PPP2R5B: variants seen among roughly 807,000 people sequenced by gnomAD.
PPP2R5B encodes the protein serine/threonine-protein phosphatase 2A 56 kDa regulatory subunit beta isoform.
A neutral mutation model predicts 59.9 loss-of-function variants in PPP2R5B; 19 were observed. The ratio of observed to expected loss-of-function variants is 0.32; its 90% confidence interval spans 0.22 to 0.47. The LOEUF (loss-of-function observed/expected upper bound fraction) is 0.47, where lower values mean the gene tolerates loss of function less well. Ranked by LOEUF, PPP2R5B falls within the 20% of genes least tolerant of loss-of-function variation. The pLI is 1.00. For missense variants in PPP2R5B, 441 were observed against 640.2 expected (o/e 0.69, Z 3.36); for synonymous variants, 286 against 260.5 (o/e 1.10, Z -0.94).
chr11:64,920,943 C>CTACA (rs1554967935), upstream of PPP2R5B, among the ~76,000 whole-genome samples: 2 of 134,952 alleles, frequency 1.5e-5, no homozygotes, highest in East Asian at 2.2e-4. Context: ...TCCAGCAGTT[C>CTACA]TATATATATA....
upstream of PPP2R5B, among the ~76,000 whole-genome samples, chr11:64,921,481 A>C (rs1590672992): frequency 6.6e-6 from 1 of 152,354 alleles, no homozygotes; most frequent in East Asian, 1.9e-4. Context: ...TTCAGACCTC[A>C]GGGGCCCTGA....
In PPP2R5B at chr11:64,924,794, G is replaced by A. The variant is rs527787864; in HGVS notation, c.-499G>A. The A allele has an allele frequency of 6.6e-6, 1 of 152,390 alleles. No homozygotes were observed. Among genetic ancestry groups the A allele is most frequent in the East Asian group, 1.9e-4 (1 of 5,170 alleles). 9.4% of individuals were successfully genotyped at this position (152,390 alleles called of 1,614,324 possible). A position where few individuals can be genotyped will look rare whatever the true frequency, so the allele number is the denominator to read the frequency against. ...GGGTCGGAGTCCCAGGACTTCAGCGGAGATCCGCGCGCTGCGACGGCCGGT... is the reference window on the plus strand; with the variant it reads ...GGGTCGGAGTCCCAGGACTTCAGCGAAGATCCGCGCGCTGCGACGGCCGGT... On this transcript the variant is annotated 5_prime_UTR_variant, in exon 1 of 14. Transcript: ENST00000164133.
upstream of PPP2R5B, chr11:64,923,050 C>T (rs976778793): frequency 8.5e-5 from 13 of 152,228 alleles, no homozygotes; most frequent in African/African-American, 3.1e-4. Context: ...GCCTCTAACT[C>T]CTGGGCTTAT....
At chr11:64,919,461 G>A (rs531813905) in intron 1 of PPP2R5B, among the ~76,000 whole-genome samples, 2 of 151,426 alleles carry the variant, frequency 1.3e-5, no homozygotes, top group African/African-American at 2.4e-5. Flanking sequence ...ATAATATACC[G>A]GGTTGGGTTG....
intron 6 of PPP2R5B, among the ~76,000 whole-genome samples, chr11:64,929,834 C>G (rs1387666888): frequency 6.6e-6 from 1 of 152,146 alleles, no homozygotes; most frequent in Admixed American, 6.5e-5. Context: ...GGACTGAGGC[C>G]GGGACTCTGA....
At chr11:64,928,932 C>G (rs956812485) in intron 6 of PPP2R5B, among the ~76,000 whole-genome samples, 22 of 151,374 alleles carry the variant, frequency 1.5e-4, no homozygotes, top group Non-Finnish European at 2.2e-4. Context: ...CATGCCACTG[C>G]ACTCCAGCCT....
intron 11 of PPP2R5B, among the ~76,000 whole-genome samples, chr11:64,932,355 C>T (rs1212774158): frequency 2.6e-5 from 4 of 152,224 alleles, no homozygotes; most frequent in South Asian, 2.1e-4. Flanking sequence ...TTCTTATGGG[C>T]CATAACCCAG....
At position 64,934,151 on chromosome 11, in the gene PPP2R5B, C is replaced by T; in HGVS notation, c.*307C>T. On this transcript the variant is annotated 3_prime_UTR_variant, in exon 14 of 14. Coordinates refer to ENST00000164133, the MANE Select transcript of PPP2R5B (RefSeq NM_006244.4). ...GCTGCAGGCGGGCTCCCACCCTCTG[C>T]TCCTGGCCTTGGGCAAGGGCACTCA... is the stretch of plus-strand genomic sequence containing the variant. The T allele has an allele frequency of 2.9e-6, 1 of 344,252 alleles. No homozygotes were observed. The highest frequency in any genetic ancestry group is 5.2e-6 in the Non-Finnish European group (1 of 190,850). The allele number at this position is 344,252 out of a possible 1,614,324, so 21.3% of individuals were successfully genotyped here. A position where few individuals can be genotyped will look rare whatever the true frequency, so the allele number is the denominator to read the frequency against.
chr11:64,927,482 G>A (rs1304562761), intron 3 of PPP2R5B, among the ~76,000 whole-genome samples: 2 of 152,210 alleles, frequency 1.3e-5, no homozygotes, highest in African/African-American at 4.8e-5. Context: ...GGGCCAAGGC[G>A]AGAGGATCAC....
chr11:64,920,478 T>C (rs1945099525), upstream of PPP2R5B, among the ~76,000 whole-genome samples: 1 of 152,072 alleles, frequency 6.6e-6, no homozygotes, highest in African/African-American at 2.4e-5. Context: ...AGACAGTCAT[T>C]CTCCAACCTA....
In PPP2R5B at chr11:64,925,880, A is replaced by G; in HGVS notation, c.146A>G (p.Gln49Arg). 1.2e-6 allele frequency: 2 copies of G among 1,611,348 alleles called. No individual in the cohort carries two copies. Among genetic ancestry groups the G allele is most frequent in the Non-Finnish European group, 1.7e-6 (2 of 1,179,778 alleles). The change falls in exon 2 of 14, where the codon CAG (glutamine) becomes CGG (arginine). Residue 49 changes from glutamine to arginine, a missense_variant. By Grantham distance (43) the Gln-to-Arg change is conservative (BLOSUM62 1). This residue lies in a region of PPP2R5B where 103 missense variants were observed against 87.9 expected (regional missense o/e 1.17). Coordinates refer to ENST00000164133, the MANE Select transcript of PPP2R5B (RefSeq NM_006244.4). This position sits in a 1 kb window ranked among gnomAD's most constrained non-coding sequence, Gnocchi z 4.6. ...ARPRRSHSSS[Q>R]FRYQSNQQEL... The stretch of plus-strand genomic sequence containing the variant: ...CCCCGCCGCTCCCACAGCTCCTCTC[A>G]GTTCCGCTATCAGAGCAACCAGCAA...
At chr11:64,918,587 T>C (rs1945071192) in intron 1 of PPP2R5B, among the ~76,000 whole-genome samples, 1 of 152,086 alleles carries the variant, frequency 6.6e-6, no homozygotes, top group Non-Finnish European at 1.5e-5. Context: ...TGCCTTGGCC[T>C]CCCAAAGTGT....
upstream of PPP2R5B, chr11:64,924,674 G>A (rs946014842): frequency 2.0e-5 from 3 of 152,242 alleles, no homozygotes; most frequent in Non-Finnish European, 4.4e-5. Flanking sequence ...CGGGCCGGGT[G>A]GGGGGAGGTG....
rs1945156442 is a variant in PPP2R5B at position 64,925,785 on chromosome 11, C to CG, written c.54dup (p.Leu19AlafsTer71). 6.3e-7 allele frequency: 1 copy of CG among 1,588,422 alleles called. No individual in the cohort carries two copies. Among genetic ancestry groups the CG allele is most frequent in the Admixed American group, 1.7e-5 (1 of 58,860 alleles). ...GCACCCCCACTAGCCCCTCCTCCCC[C>CG]GGGCTGTCGCCTGTGCCCCCACCCG... On this transcript the variant is annotated frameshift_variant, in exon 2 of 14. Transcript: ENST00000164133. LOFTEE classifies it high-confidence loss of function. The surrounding 1 kb of genome is among the most constrained non-coding windows in gnomAD (Gnocchi z 4.6).
At chr11:64,933,386 T>C (rs1178691077) in intron 13 of PPP2R5B, 140 bp downstream of exon 13, 2 of 770,786 alleles carry the variant, frequency 2.6e-6, no homozygotes, top group Non-Finnish European at 4.3e-6. Flanking sequence ...TGCCATCCTA[T>C]GCCTGACTGT....
At chr11:64,919,215 C>T (rs1590671860) in intron 1 of PPP2R5B, among the ~76,000 whole-genome samples, 1 of 152,126 alleles carries the variant, frequency 6.6e-6, no homozygotes, top group South Asian at 2.1e-4. Context: ...TGATGGCGGG[C>T]GCCTGTAGTC....
chr11:64,926,711 G>T lies in PPP2R5B; in HGVS notation c.200-1G>T. ...GGCCCAGGATGCCCTCTCCTCCCCA[G>T]ATGTGCCGGCTTCCGAGCTGCACGA... On this transcript the variant is annotated splice_acceptor_variant, in intron 2 of 13. Transcript: ENST00000164133. LOFTEE classifies it high-confidence loss of function. 6.2e-7 allele frequency: 1 copy of T among 1,613,880 alleles called. No individual in the cohort carries two copies. Among genetic ancestry groups the T allele is most frequent in the Non-Finnish European group, 8.5e-7 (1 of 1,179,888 alleles).
chr11:64,934,408 T>G lies in PPP2R5B; in HGVS notation c.*564T>G. Reference sequence around the variant, plus strand: ...CACAGTGTCCTGGGGTAAGGGGGGGTTCACAGTAATCATGGTCTACTCCTC... The same window carrying G: ...CACAGTGTCCTGGGGTAAGGGGGGGGTCACAGTAATCATGGTCTACTCCTC... On this transcript the variant is annotated 3_prime_UTR_variant, in exon 14 of 14. Coordinates refer to ENST00000164133, the MANE Select transcript of PPP2R5B (RefSeq NM_006244.4). 26 of 323,574 alleles carry G rather than the reference T, an allele frequency of 8.0e-5. No homozygotes were observed. The highest frequency in any genetic ancestry group is 1.0e-3 in the Middle Eastern group (1 of 990). 20.0% of individuals were successfully genotyped at this position (323,574 alleles called of 1,614,324 possible). A position where few individuals can be genotyped will look rare whatever the true frequency, so the allele number is the denominator to read the frequency against.
intron 6 of PPP2R5B, among the ~76,000 whole-genome samples, chr11:64,929,108 A>G (rs919661855): frequency 6.6e-6 from 1 of 152,224 alleles, no homozygotes; most frequent in Non-Finnish European, 1.5e-5. Flanking sequence ...TGTGAAGTTG[A>G]CAGAGAATGG....
Sources: allele counts gnomAD v4.1 joint callset (sites outside exome capture counted in the v4.1 genomes callset), GRCh38; gene constraint gnomAD v4.1.1; regional missense constraint gnomAD v4.1.1; non-coding constraint Gnocchi (gnomAD v3.1); transcripts MANE v1.5; gene names NCBI Gene and HGNC (gene_info 2026-07-23, HGNC 2026-07-21).